The following SLC35D1 variants were observed in gnomAD, a reference collection of about 807,000 sequenced individuals.
The protein encoded by SLC35D1 is nucleotide sugar transporter SLC35D1.
A neutral mutation model predicts 46.7 loss-of-function variants in SLC35D1; 31 were observed. That is an observed-to-expected ratio of 0.66 (90% CI 0.50 to 0.90). The LOEUF (loss-of-function observed/expected upper bound fraction) is 0.90, where lower values mean the gene tolerates loss of function less well. Among genes scored for constraint, SLC35D1 ranks in the 40% least tolerant of loss-of-function variants. The probability of loss-of-function intolerance (pLI) is 0.00; values close to 1 mark genes in which losing one functional copy is unlikely to be tolerated. For missense variants in SLC35D1, 397 were observed against 426.2 expected (o/e 0.93, Z 0.60); for synonymous variants, 195 against 164.6 (o/e 1.18, Z -1.41).
At chr1:67,027,156 T>C (rs1010498356) in intron 8 of SLC35D1, among the ~76,000 whole-genome samples, 1 of 152,214 alleles carries the variant, frequency 6.6e-6, no homozygotes, top group Non-Finnish European at 1.5e-5. Flanking sequence ...TTTGTCTCAG[T>C]TGTCAAGTTT....
intron 10 of SLC35D1, among the ~76,000 whole-genome samples, chr1:67,012,853 C>A (rs6689240): frequency 0.11 from 17,353 of 151,952 alleles, 2,408 homozygotes; most frequent in African/African-American, 0.34. Context: ...GAATCAGCCC[C>A]TTTTGGCTCA....
At chr1:66,976,282 G>A in the SLC35D1 span, among the ~76,000 whole-genome samples, 5 of 152,104 alleles carry the variant, frequency 3.3e-5, no homozygotes, top group East Asian at 5.8e-4. Context: ...GATTACAGGC[G>A]TGAGCCACCG....
intron 8 of SLC35D1, among the ~76,000 whole-genome samples, chr1:67,041,894 AT>A (rs1482876898): frequency 1.3e-5 from 2 of 152,158 alleles, no homozygotes; most frequent in Non-Finnish European, 2.9e-5. Context: ...CTATTTCAAG[AT>A]TTTTGTTTCT....
At chr1:66,986,504 A>C in the SLC35D1 span, 3 of 1,481,094 alleles carry the variant, frequency 2.0e-6, no homozygotes, top group Middle Eastern at 1.7e-4. Flanking sequence ...TAATGGCTCA[A>C]CTGTCTGATG....
rs954562480 is a variant in SLC35D1 at position 67,004,193 on chromosome 1, G to T, written c.*147C>A. On this transcript the variant is annotated 3_prime_UTR_variant, in exon 12 of 12. Transcript: ENST00000235345. ...TTTCTCTCTTCATAAAATTTTAAAA[G>T]GCAGCAATCAATCCTCAGATTGTAC... is the stretch of plus-strand genomic sequence containing the variant. 10 of 696,926 alleles carry T rather than the reference G, an allele frequency of 1.4e-5. 1 individual carries two copies. In the Admixed American group the frequency reaches 2.2e-4, roughly 16 times the overall value. 43.2% of individuals were successfully genotyped at this position (696,926 alleles called of 1,614,324 possible).
chr1:67,052,870 G>C lies in SLC35D1; in HGVS notation c.238-13C>G. 4 of 1,613,902 alleles carry C rather than the reference G, an allele frequency of 2.5e-6. No homozygotes were observed. The highest frequency in any genetic ancestry group is 3.4e-6 in the Non-Finnish European group (4 of 1,179,974). On this transcript the variant is annotated splice_polypyrimidine_tract_variant and intron_variant, in intron 2 of 11. Transcript: ENST00000235345. ...CTGTGGCCACCATCTGTAAACAAGAGAACACAGATTCACTGTTCTACACAT... is the reference window on the plus strand; with the variant it reads ...CTGTGGCCACCATCTGTAAACAAGACAACACAGATTCACTGTTCTACACAT...
chr1:66,994,934 A>G (rs1446814158), downstream of SLC35D1, among the ~76,000 whole-genome samples: 2 of 151,768 alleles, frequency 1.3e-5, no homozygotes, highest in Middle Eastern at 3.4e-3. Flanking sequence ...AAAAAAAAAA[A>G]AAGAAGAAAC....
intron 4 of SLC35D1, among the ~76,000 whole-genome samples, chr1:67,050,757 C>T (rs1645300911): frequency 6.6e-6 from 1 of 152,008 alleles, no homozygotes; most frequent in African/African-American, 2.4e-5. Context: ...TATGCAAAAC[C>T]CTAAGCTGTA....
At chr1:67,051,556 T>C (rs1019986190) in intron 4 of SLC35D1, among the ~76,000 whole-genome samples, 3 of 152,116 alleles carry the variant, frequency 2.0e-5, no homozygotes, top group Admixed American at 1.3e-4. Context: ...TTTATCAGGG[T>C]TCTAGCTGAT....
chr1:67,049,655 T>C (rs1486831009), intron 6 of SLC35D1, 127 bp downstream of exon 6: 6 of 847,694 alleles, frequency 7.1e-6, no homozygotes, highest in Non-Finnish European at 1.1e-5. Flanking sequence ...TTTTCAAGAG[T>C]CTTCTAGATG....
intron 8 of SLC35D1, among the ~76,000 whole-genome samples, chr1:67,023,948 CTT>C (rs753663605): frequency 1.1e-4 from 15 of 138,430 alleles, no homozygotes; most frequent in African/African-American, 5.3e-5. Flanking sequence ...CTTCCATTTT[CTT>C]TTTTTTTTTT....
At chr1:67,016,186 A>G (rs1362077789) in intron 10 of SLC35D1, among the ~76,000 whole-genome samples, 1 of 152,086 alleles carries the variant, frequency 6.6e-6, no homozygotes, top group African/African-American at 2.4e-5. Context: ...ATGTCTTCAG[A>G]TATATTATCA....
chr1:67,051,284 C>T (rs1334814535), intron 4 of SLC35D1, among the ~76,000 whole-genome samples: 1 of 152,210 alleles, frequency 6.6e-6, no homozygotes, highest in Non-Finnish European at 1.5e-5. Flanking sequence ...TCAAAAATCT[C>T]TCCATTCTAT....
the SLC35D1 span, among the ~76,000 whole-genome samples, chr1:66,980,106 A>G: frequency 2.0e-5 from 3 of 152,102 alleles, no homozygotes; most frequent in Non-Finnish European, 4.4e-5. Flanking sequence ...CATTCCCACT[A>G]TAACGTATTT....
the SLC35D1 span, among the ~76,000 whole-genome samples, chr1:66,974,471 G>C: frequency 6.6e-6 from 1 of 151,254 alleles, no homozygotes; most frequent in Non-Finnish European, 1.5e-5. Flanking sequence ...ACTTCTGCTT[G>C]AATTAAAACA....
chr1:67,044,632 T>C (rs141299315), intron 7 of SLC35D1, among the ~76,000 whole-genome samples: 1,826 of 152,356 alleles, frequency 0.012, 29 homozygotes, highest in African/African-American at 0.04. Context: ...TTATGTTTTC[T>C]TCCTCTTGCT....
intron 7 of SLC35D1, 135 bp from the exon 8 acceptor site, chr1:67,042,463 TTAAG>T (rs2102346882): frequency 1.2e-6 from 1 of 810,924 alleles, no homozygotes. Context: ...AGCAAATGAA[TTAAG>T]TTAGAAGTTT....
the SLC35D1 span, chr1:66,973,079 T>TTA: frequency 1.5e-6 from 1 of 687,826 alleles, no homozygotes; most frequent in South Asian, 1.8e-5. Flanking sequence ...TATTGTCTAG[T>TTA]GTTAAAGGTT....
chr1:66,978,014 T>A, the SLC35D1 span, among the ~76,000 whole-genome samples: 2 of 151,834 alleles, frequency 1.3e-5, no homozygotes, highest in African/African-American at 2.4e-5. Context: ...CTGACAAACA[T>A]GGTGAAACCC....
Sources: allele counts gnomAD v4.1 joint callset (sites outside exome capture counted in the v4.1 genomes callset), GRCh38; gene constraint gnomAD v4.1.1; transcripts MANE v1.5; gene names NCBI Gene and HGNC (gene_info 2026-07-23, HGNC 2026-07-21).